IL2RB: variants seen among roughly 807,000 people sequenced by gnomAD.
IL2RB encodes interleukin-2 receptor subunit beta.
Under a neutral mutation model 44.2 loss-of-function variants are expected in IL2RB, and 17 were observed. The ratio of observed to expected loss-of-function variants is 0.38; its 90% CI spans 0.26 to 0.58. The LOEUF (loss-of-function observed/expected upper bound fraction) is 0.58, where lower values mean the gene tolerates loss of function less well. Among genes scored for constraint, IL2RB ranks in the 20% least tolerant of loss-of-function variants. The probability of loss-of-function intolerance (pLI) is 0.63; values close to 1 mark genes in which losing one functional copy is unlikely to be tolerated. For synonymous variants in IL2RB, 286 were observed against 297.9 expected (o/e 0.96, Z 0.41); for missense variants, 624 against 685.5 (o/e 0.91, Z 1.00).
chr22:37,150,099 C>T (rs1368615953), upstream of IL2RB: 3 of 151,784 alleles, frequency 2.0e-5, no homozygotes, highest in African/African-American at 7.3e-5. Context: ...CACACACACA[C>T]ACACACACAC....
intron 1 of IL2RB, among the ~76,000 whole-genome samples, chr22:37,160,812 C>A (rs898648688): frequency 6.6e-6 from 1 of 151,458 alleles, no homozygotes; most frequent in Non-Finnish European, 1.5e-5. Flanking sequence ...GGTGACAGAG[C>A]GAGACTGGGT....
chr22:37,170,114 A>G (rs1201750852), intron 1 of IL2RB, among the ~76,000 whole-genome samples: 1 of 151,836 alleles, frequency 6.6e-6, no homozygotes, highest in Admixed American at 6.6e-5. Flanking sequence ...GGATGGATGG[A>G]TGGATGGATG....
chr22:37,131,728 C>T (rs893979505), intron 9 of IL2RB, among the ~76,000 whole-genome samples: 7 of 151,726 alleles, frequency 4.6e-5, no homozygotes, highest in African/African-American at 1.7e-4. Context: ...ACGGTAATAC[C>T]AGATAGGGTA....
At chr22:37,152,232 C>T (rs867797571), upstream of IL2RB, among the ~76,000 whole-genome samples, 1 of 152,236 alleles carries the variant, frequency 6.6e-6, no homozygotes, top group African/African-American at 2.4e-5. Context: ...TTTGTGTCCT[C>T]TTCAGTTTCT....
intron 1 of IL2RB, among the ~76,000 whole-genome samples, chr22:37,167,608 C>G (rs1405914244): frequency 6.6e-6 from 1 of 152,244 alleles, no homozygotes; most frequent in Non-Finnish European, 1.5e-5. Flanking sequence ...CTCTCTGCCC[C>G]AGGCCTCAGC....
intron 1 of IL2RB, among the ~76,000 whole-genome samples, chr22:37,172,484 G>A (rs1829601695): frequency 6.6e-6 from 1 of 152,164 alleles, no homozygotes; most frequent in African/African-American, 2.4e-5. Flanking sequence ...CCCAGAATGA[G>A]GTAGAGAGAT....
At chr22:37,140,286 CATTATTATTATTATTATT>C (rs58127106) in intron 4 of IL2RB, among the ~76,000 whole-genome samples, 20,812 of 145,448 alleles carry the variant, frequency 0.14, 1,681 homozygotes, top group South Asian at 0.27. Context: ...ATAGTAGTCT[CATTATTATTATTATTATT>C]ATTATTATTA....
At chr22:37,133,956 C>T (rs552969596) in intron 8 of IL2RB, among the ~76,000 whole-genome samples, 2 of 152,162 alleles carry the variant, frequency 1.3e-5, no homozygotes, top group African/African-American at 4.8e-5. Context: ...CTCCACACCC[C>T]CCATGGGCTC....
intron 6 of IL2RB, among the ~76,000 whole-genome samples, chr22:37,136,688 C>G (rs929153966): frequency 1.3e-5 from 2 of 152,094 alleles, no homozygotes; most frequent in Admixed American, 1.3e-4. Flanking sequence ...AGCTGCCGCC[C>G]TCTCCCAAGC....
At chr22:37,159,401 G>A (rs546015866) in intron 1 of IL2RB, among the ~76,000 whole-genome samples, 17 of 152,218 alleles carry the variant, frequency 1.1e-4, no homozygotes, top group Admixed American at 4.6e-4. Flanking sequence ...CCTCCGTCAG[G>A]CCTGGCACCA....
intron 1 of IL2RB, among the ~76,000 whole-genome samples, chr22:37,171,871 A>G (rs551425351): frequency 9.9e-5 from 15 of 152,200 alleles, no homozygotes; most frequent in African/African-American, 3.6e-4. Context: ...AGACCCAAAC[A>G]CATATGGGCA....
At chr22:37,130,242 C>T (rs780740681) in intron 9 of IL2RB, among the ~76,000 whole-genome samples, 6 of 152,206 alleles carry the variant, frequency 3.9e-5, no homozygotes, top group Non-Finnish European at 8.8e-5. Flanking sequence ...AGGGCAAGGG[C>T]GGGGCCAGAC....
At chr22:37,140,486 T>C (rs1360635018) in intron 4 of IL2RB, among the ~76,000 whole-genome samples, 1 of 152,068 alleles carries the variant, frequency 6.6e-6, no homozygotes, top group Admixed American at 6.6e-5. Flanking sequence ...CTGAGGAGAC[T>C]GAAGCACAGA....
chr22:37,136,467 C>CCT (rs1555896937), intron 6 of IL2RB, 74 bp from the exon 7 acceptor site: 41 of 1,163,664 alleles, frequency 3.5e-5, no homozygotes, highest in East Asian at 6.1e-5. Flanking sequence ...CATCACAGAA[C>CCT]CCCCCCCCAA....
intron 4 of IL2RB, among the ~76,000 whole-genome samples, chr22:37,142,053 A>G (rs1921992968): frequency 6.6e-6 from 1 of 151,854 alleles, no homozygotes; most frequent in Non-Finnish European, 1.5e-5. Context: ...TACACCCTTC[A>G]CCCCCCACAC....
Position 37,148,247 on chromosome 22 carries a change from G to C in IL2RB, c.-34+1578C>G, listed in dbSNP as rs563678013. The stretch of plus-strand genomic sequence containing the variant: ...GGGAGGATGGTGTGGGGGTGCCAGA[G>C]GGGCACAGAGCTGAGGGAGCGCCTG... On this transcript the variant is annotated intron_variant, in intron 1 of 9. Transcript: ENST00000216223. Among the ~76,000 whole-genome samples, 4 of 152,336 alleles carry C rather than the reference G, an allele frequency of 2.6e-5. No individual in the cohort carries two copies. The East Asian group carries it at 5.8e-4, about 22-fold the overall frequency.
rs749175608 is a variant in IL2RB, at chr22:37,128,705, T to G, written c.1047A>C (p.Leu349Phe). The G allele has an allele frequency of 6.2e-7, 1 of 1,614,112 alleles. No individual in the cohort carries two copies. The highest frequency in any genetic ancestry group is 8.5e-7 in the Non-Finnish European group (1 of 1,179,988). ...AGCTGGTCAGCGAGTGGTTGCTGCT[T>G]AAGGATGCGGGCTCAGGCACCTTGT... ...QQDKVPEPAS[L>F]SSNHSLTSCF... Residue 349 changes from leucine (L) to phenylalanine (F), a missense_variant, in exon 10 of 10, where the codon TTA becomes TTC. Leu to Phe is a conservative substitution (Grantham distance 22, BLOSUM62 0). This residue lies in a region of IL2RB where 291 missense variants were observed against 275.5 expected (regional missense o/e 1.06). Transcript: ENST00000216223. This position sits in a 1 kb window ranked among gnomAD's most constrained non-coding sequence, Gnocchi z 4.5.
rs559957492 is a variant in IL2RB, at chr22:37,136,514, A to T, written c.538-121T>A. On this transcript the variant is annotated intron_variant, in intron 6 of 9. Coordinates refer to ENST00000216223, the MANE Select transcript of IL2RB (RefSeq NM_000878.5). ...TGCACCCCCACTTCCTTGCCACCCA[A>T]AGCTCCCTCACTACCCAGTTGCTGG... is the stretch of plus-strand genomic sequence containing the variant. 12 of 1,049,604 alleles carry T rather than the reference A, an allele frequency of 1.1e-5. 1 individual carries two copies. The South Asian group carries it at 1.7e-4, about 15-fold the overall frequency. The allele number at this position is 1,049,604 out of a possible 1,614,324, so 65.0% of individuals were successfully genotyped here.
rs1482837634 is a variant in IL2RB, at chr22:37,143,654, T to C, written c.89-19A>G. On this transcript the variant is annotated intron_variant, in intron 2 of 9. Transcript: ENST00000216223. ...GAAGTGCCTGCCGGGCAAGATGAGG[T>C]GTGAGTGCTGACTGTAGGTGCCCAC... The C allele has an allele frequency of 1.3e-6, 2 of 1,568,974 alleles. No individual in the cohort carries two copies. Among genetic ancestry groups the C allele is most frequent in the African/African-American group, 1.4e-5 (1 of 73,916 alleles).
Sources: allele counts gnomAD v4.1 joint callset (sites outside exome capture counted in the v4.1 genomes callset), GRCh38; gene constraint gnomAD v4.1.1; regional missense constraint gnomAD v4.1.1; non-coding constraint Gnocchi (gnomAD v3.1); transcripts MANE v1.5; gene names NCBI Gene and HGNC (gene_info 2026-07-23, HGNC 2026-07-21).